Variants in NTN1 observed in about 807,000 individuals in gnomAD.
NTN1 encodes netrin 1, also known as netrin-1.
In NTN1, 11 loss-of-function variants were observed where a neutral mutation model predicts 54.2. That is an observed-to-expected ratio of 0.20 (90% confidence interval 0.13 to 0.34). NTN1 has a LOEUF of 0.34. Among genes scored for constraint, NTN1 ranks in the 10% least tolerant of loss-of-function variants. The pLI, the probability that NTN1 is intolerant of heterozygous loss-of-function variation, is 1.00. For synonymous variants in NTN1, 371 were observed against 382.0 expected (o/e 0.97, Z 0.33); for missense variants, 740 against 893.1 (o/e 0.83, Z 2.18).
chr17:9,091,510 A>G (rs984102319), intron 2 of NTN1, among the ~76,000 whole-genome samples: 3 of 149,784 alleles, frequency 2.0e-5, no homozygotes, highest in African/African-American at 7.4e-5. Context: ...CTGGAGTGCA[A>G]TGGCACGATC....
intron 6 of NTN1, among the ~76,000 whole-genome samples, chr17:9,232,458 CCAGGACCTA>C (rs941340726): frequency 9.2e-5 from 14 of 152,126 alleles, no homozygotes; most frequent in Admixed American, 2.6e-4. Context: ...TCTAGGACCT[CCAGGACCTA>C]GCAGGGGAAA....
chr17:9,239,984 C>A lies in NTN1; in HGVS notation c.*16C>A. ...GAAGGCCTAGCGCCGAGGCAGCGGG[C>A]GGGCGGGCGGGCGGGCGCCAGGGCG... On this transcript the variant is annotated 3_prime_UTR_variant, in exon 7 of 7. Coordinates refer to ENST00000173229, the MANE Select transcript of NTN1 (RefSeq NM_004822.3). The surrounding 1 kb of genome is among the most constrained non-coding windows in gnomAD (Gnocchi z 5.2). 6.7e-4 allele frequency: 4 copies of A among 5,934 alleles called. No homozygotes were observed. The highest frequency in any genetic ancestry group is 0.071 in the Middle Eastern group (1 of 14). The allele number at this position is 5,934 out of a possible 1,614,324, so 0.4% of individuals were successfully genotyped here. A position where few individuals can be genotyped will look rare whatever the true frequency, so the allele number is the denominator to read the frequency against.
At chr17:9,044,658 G>C (rs1299971402) in intron 2 of NTN1, among the ~76,000 whole-genome samples, 1 of 152,086 alleles carries the variant, frequency 6.6e-6, no homozygotes, top group African/African-American at 2.4e-5. Context: ...AGGGCACAAT[G>C]TTTATATTTA....
At chr17:9,121,242 C>T (rs1270111668) in intron 2 of NTN1, among the ~76,000 whole-genome samples, 2 of 152,134 alleles carry the variant, frequency 1.3e-5, no homozygotes, top group Non-Finnish European at 2.9e-5. Context: ...TCCTAGAGGC[C>T]GTGTACATTC....
At chr17:9,181,728 G>A (rs539116214) in intron 4 of NTN1, among the ~76,000 whole-genome samples, 2 of 152,278 alleles carry the variant, frequency 1.3e-5, no homozygotes, top group South Asian at 4.1e-4. Flanking sequence ...GGGAGTCAGA[G>A]TTTTACCGCA....
intron 2 of NTN1, among the ~76,000 whole-genome samples, chr17:9,149,160 G>C (rs1031245077): frequency 2.0e-5 from 3 of 152,094 alleles, no homozygotes; most frequent in Non-Finnish European, 4.4e-5. Flanking sequence ...GCCAGGCTTG[G>C]CCGGCTTGGC....
At chr17:9,132,279 T>C (rs1278650161) in intron 2 of NTN1, among the ~76,000 whole-genome samples, 1 of 152,160 alleles carries the variant, frequency 6.6e-6, no homozygotes, top group East Asian at 1.9e-4. Flanking sequence ...TCATGAACAT[T>C]ACACGTTTCC....
intron 6 of NTN1, among the ~76,000 whole-genome samples, chr17:9,228,629 C>T (rs1011215003): frequency 1.7e-4 from 26 of 152,288 alleles, no homozygotes; most frequent in Admixed American, 1.4e-3. Context: ...TTATTCGTTC[C>T]CAGAAATGTT....
chr17:9,202,043 C>T (rs1221074622), intron 5 of NTN1, among the ~76,000 whole-genome samples: 1 of 24,990 alleles, frequency 4.0e-5, no homozygotes, highest in East Asian at 1.1e-3. Context: ...CACACACACA[C>T]ACACACACAC....
At chr17:9,144,198 T>C (rs2092306631) in intron 2 of NTN1, among the ~76,000 whole-genome samples, 1 of 151,830 alleles carries the variant, frequency 6.6e-6, no homozygotes, top group African/African-American at 2.4e-5. Context: ...GCCCGGCCGT[T>C]ACCGTCTTTT....
intron 2 of NTN1, among the ~76,000 whole-genome samples, chr17:9,127,053 G>A (rs1400561278): frequency 7.3e-6 from 1 of 136,486 alleles, no homozygotes; most frequent in Non-Finnish European, 1.6e-5. Context: ...GTGGGCAGGA[G>A]TGAGATTGTG....
chr17:9,112,167 T>A (rs2092193766), intron 2 of NTN1, among the ~76,000 whole-genome samples: 2 of 152,228 alleles, frequency 1.3e-5, no homozygotes, highest in Non-Finnish European at 2.9e-5. Context: ...CTGTATCCCC[T>A]GCAAGGGAGC....
At chr17:9,234,529 C>T (rs1203928257) in intron 6 of NTN1, among the ~76,000 whole-genome samples, 1 of 152,246 alleles carries the variant, frequency 6.6e-6, no homozygotes, top group African/African-American at 2.4e-5. Flanking sequence ...CATGGTGGAG[C>T]ACCAGGGCTC....
rs576509605 is a variant in NTN1, at chr17:9,172,279, C to T, written c.1208-7528C>T. Among the ~76,000 whole-genome samples the T allele has an allele frequency of 1.6e-3, 249 of 151,790 alleles. 1 individual carries two copies. Among genetic ancestry groups the T allele is most frequent in the African/African-American group, 5.6e-3 (232 of 41,418 alleles). On this transcript the variant is annotated intron_variant, in intron 3 of 6. Transcript: ENST00000173229. The stretch of plus-strand genomic sequence containing the variant: ...TTGGGAGGCCGAGGAGGGCAGATCA[C>T]GAGGTCAGGAGATCGAGACCATCCT...
intron 2 of NTN1, among the ~76,000 whole-genome samples, chr17:9,057,250 T>C (rs1162588829): frequency 5.3e-5 from 8 of 151,180 alleles, no homozygotes; most frequent in Non-Finnish European, 1.0e-4. Context: ...AAGAGAGGCC[T>C]GGGACCAACA....
intron 2 of NTN1, among the ~76,000 whole-genome samples, chr17:9,123,464 G>C (rs150000295): frequency 1.1e-3 from 172 of 152,252 alleles, no homozygotes; most frequent in African/African-American, 3.5e-3. Flanking sequence ...GGTGCTTTTT[G>C]ACATATAAAA....
At chr17:9,072,270 C>T (rs1182909126) in intron 2 of NTN1, among the ~76,000 whole-genome samples, 2 of 147,374 alleles carry the variant, frequency 1.4e-5, no homozygotes, top group African/African-American at 2.5e-5. Flanking sequence ...TTTTTTCAAG[C>T]GGGCACCACA....
intron 2 of NTN1, among the ~76,000 whole-genome samples, chr17:9,091,204 T>C (rs2092109303): frequency 6.6e-6 from 1 of 152,230 alleles, no homozygotes; most frequent in Admixed American, 6.5e-5. Context: ...CTTTTTATTA[T>C]TATTTAATTG....
chr17:9,107,985 C>G (rs891936677), intron 2 of NTN1, among the ~76,000 whole-genome samples: 1 of 152,196 alleles, frequency 6.6e-6, no homozygotes, highest in Non-Finnish European at 1.5e-5. Flanking sequence ...AGTTTGATCA[C>G]AGTGGTAAGA....
Sources: allele counts gnomAD v4.1 joint callset (sites outside exome capture counted in the v4.1 genomes callset), GRCh38; gene constraint gnomAD v4.1.1; non-coding constraint Gnocchi (gnomAD v3.1); transcripts MANE v1.5; gene names NCBI Gene and HGNC (gene_info 2026-07-23, HGNC 2026-07-21).